The following ASIC2 variants were observed in gnomAD, a reference collection of about 807,000 sequenced individuals.
ASIC2 encodes acid-sensing ion channel 2.
In ASIC2, 25 loss-of-function variants were observed where a neutral mutation model predicts 57.3. The ratio of observed to expected loss-of-function variants is 0.44; its 90% CI spans 0.32 to 0.61. ASIC2 has a LOEUF of 0.61. Ranked by LOEUF, ASIC2 falls within the 20% of genes least tolerant of loss-of-function variation. The probability of loss-of-function intolerance (pLI) is 0.06; values close to 1 mark genes in which losing one functional copy is unlikely to be tolerated. For synonymous variants in ASIC2, 319 were observed against 307.5 expected (o/e 1.04, Z -0.39); for missense variants, 641 against 738.1 (o/e 0.87, Z 1.52).
chr17:33,408,079 G>A (rs2141962866), intron 1 of ASIC2, among the ~76,000 whole-genome samples: 1 of 152,248 alleles, frequency 6.6e-6, no homozygotes, highest in South Asian at 2.1e-4. Context: ...GACAGCCTTG[G>A]GGAATGACTT....
chr17:33,490,523 T>G (rs1033877530), intron 1 of ASIC2, among the ~76,000 whole-genome samples: 1 of 152,184 alleles, frequency 6.6e-6, no homozygotes, highest in African/African-American at 2.4e-5. Context: ...TGGGAGCAAG[T>G]GTTTTCCATG....
chr17:33,171,158 T>C (rs1328847373), intron 1 of ASIC2, among the ~76,000 whole-genome samples: 1 of 152,224 alleles, frequency 6.6e-6, no homozygotes, highest in Non-Finnish European at 1.5e-5. Context: ...TTAGAAGACC[T>C]GAGTTCTCAA....
chr17:33,741,190 A>AT (rs1910102308), intron 1 of ASIC2, among the ~76,000 whole-genome samples: 1 of 151,906 alleles, frequency 6.6e-6, no homozygotes, highest in South Asian at 2.1e-4. Context: ...TTTTTTCACT[A>AT]TGTTTTCTGG....
chr17:33,187,116 T>C (rs756721920), intron 1 of ASIC2, among the ~76,000 whole-genome samples: 4 of 152,094 alleles, frequency 2.6e-5, no homozygotes, highest in Non-Finnish European at 5.9e-5. Flanking sequence ...GCGAAACCAT[T>C]ACAAGTGAGA....
intron 3 of ASIC2, among the ~76,000 whole-genome samples, chr17:33,079,102 A>G (rs2092101592): frequency 6.6e-6 from 1 of 152,188 alleles, no homozygotes; most frequent in African/African-American, 2.4e-5. Flanking sequence ...TCTCTCTCAC[A>G]TTTATTTATT....
intron 1 of ASIC2, among the ~76,000 whole-genome samples, chr17:33,404,996 TA>T (rs1910417150): frequency 6.6e-6 from 1 of 151,626 alleles, no homozygotes; most frequent in Non-Finnish European, 1.5e-5. Context: ...CCAGGTGGCT[TA>T]TTTTTTTTTT....
chr17:33,324,853 T>G (rs1448679720), intron 1 of ASIC2, among the ~76,000 whole-genome samples: 1 of 152,214 alleles, frequency 6.6e-6, no homozygotes, highest in Non-Finnish European at 1.5e-5. Flanking sequence ...GCCTGCCTGC[T>G]GCCCTTCTCA....
At chr17:33,397,115 G>T (rs1006674454) in intron 1 of ASIC2, among the ~76,000 whole-genome samples, 1 of 152,188 alleles carries the variant, frequency 6.6e-6, no homozygotes, top group Admixed American at 6.5e-5. Context: ...TGCCTAGATT[G>T]CTCACTGCCT....
chr17:33,748,259 C>G (rs752970136), intron 1 of ASIC2, among the ~76,000 whole-genome samples: 5 of 152,228 alleles, frequency 3.3e-5, no homozygotes, highest in Non-Finnish European at 5.9e-5. Flanking sequence ...CCTGAGCACT[C>G]TTGGGCTTCT....
chr17:33,590,344 T>C lies in ASIC2; in HGVS notation c.556-478277A>G, dbSNP rs141390368. Among the ~76,000 whole-genome samples, 1,291 of 152,266 alleles carry C rather than the reference T, an allele frequency of 8.5e-3. 17 individuals carry two copies. Among genetic ancestry groups the C allele is most frequent in the African/African-American group, 0.028 (1,183 of 41,528 alleles). ...ATAGCTGTTGCTATTGTCATTGTTGTCCTCTTTGTTAGGACCATTGTGAGC... is the reference window on the plus strand; with the variant it reads ...ATAGCTGTTGCTATTGTCATTGTTGCCCTCTTTGTTAGGACCATTGTGAGC... On this transcript the variant is annotated intron_variant, in intron 1 of 9. Coordinates refer to the ASIC2 transcript ENST00000359872.
At chr17:34,047,893 TA>T (rs1411973417) in intron 1 of ASIC2, among the ~76,000 whole-genome samples, 1 of 152,196 alleles carries the variant, frequency 6.6e-6, no homozygotes, top group East Asian at 1.9e-4. Flanking sequence ...AGTAAATCAA[TA>T]AATCATAAAT....
At chr17:33,697,597 A>G (rs1363279043) in intron 1 of ASIC2, among the ~76,000 whole-genome samples, 1 of 152,236 alleles carries the variant, frequency 6.6e-6, no homozygotes, top group Non-Finnish European at 1.5e-5. Context: ...TTCCAAAGAA[A>G]CAGCCCCTGG....
At chr17:33,728,403 G>A (rs35250683) in intron 1 of ASIC2, among the ~76,000 whole-genome samples, 4,501 of 152,222 alleles carry the variant, frequency 0.03, 228 homozygotes, top group African/African-American at 0.1. Flanking sequence ...TTAATGGTCA[G>A]CTTCTGTGAT....
chr17:34,106,405 G>A (rs1032205868), intron 1 of ASIC2, among the ~76,000 whole-genome samples: 1 of 151,978 alleles, frequency 6.6e-6, no homozygotes, highest in Non-Finnish European at 1.5e-5. Context: ...TTACTACGAT[G>A]ATCACAAAAT....
chr17:34,077,107 C>T (rs190347856), intron 1 of ASIC2, among the ~76,000 whole-genome samples: 12 of 152,316 alleles, frequency 7.9e-5, no homozygotes, highest in East Asian at 1.9e-4. Flanking sequence ...ACCTGGGATT[C>T]GGATCCAGGC....
At chr17:33,659,361 T>A (rs1907176972) in intron 1 of ASIC2, among the ~76,000 whole-genome samples, 1 of 152,158 alleles carries the variant, frequency 6.6e-6, no homozygotes, top group South Asian at 2.1e-4. Flanking sequence ...TAGGCGACTT[T>A]ATCATTGTGC....
intron 1 of ASIC2, chr17:33,581,230 A>C (rs888211842): frequency 6.6e-6 from 1 of 152,236 alleles, no homozygotes; most frequent in African/African-American, 2.4e-5. Context: ...GCTGGCCTTG[A>C]AGATGCAGGA....
At chr17:33,840,017 G>A (rs960780896) in intron 1 of ASIC2, among the ~76,000 whole-genome samples, 2 of 152,200 alleles carry the variant, frequency 1.3e-5, no homozygotes, top group Non-Finnish European at 2.9e-5. Flanking sequence ...GGTTATATCA[G>A]TGAGCATGCT....
At chr17:33,240,946 G>A (rs754743001) in intron 1 of ASIC2, among the ~76,000 whole-genome samples, 16 of 152,158 alleles carry the variant, frequency 1.1e-4, no homozygotes, top group Admixed American at 4.6e-4. Flanking sequence ...GAATTTTACC[G>A]TTTATGGAGT....
Sources: allele counts gnomAD v4.1 joint callset (sites outside exome capture counted in the v4.1 genomes callset), GRCh38; gene constraint gnomAD v4.1.1; transcripts MANE v1.5; gene names NCBI Gene and HGNC (gene_info 2026-07-23, HGNC 2026-07-21).